The following PCDH11X variants were observed in gnomAD, a reference collection of about 807,000 sequenced individuals.
PCDH11X encodes the protein protocadherin 11 X-linked, also known as protocadherin-11 X-linked.
PCDH11X carries 18 observed loss-of-function variants against 53.3 expected under a neutral mutation model. The ratio of observed to expected loss-of-function variants is 0.34; its 90% CI spans 0.23 to 0.50. The LOEUF (loss-of-function observed/expected upper bound fraction) is 0.50, where lower values mean the gene tolerates loss of function less well. Among genes scored for constraint, PCDH11X ranks in the 20% least tolerant of loss-of-function variants. The pLI is 0.98. For synonymous variants in PCDH11X, 279 were observed against 393.3 expected, an observed-to-expected ratio of 0.71 and a Z score of 3.44; for missense variants, 570 against 1,032.4, an observed-to-expected ratio of 0.55 and a Z score of 6.14.
At chrX:92,530,998 C>T (rs757233209) in intron 10 of PCDH11X, among the ~76,000 whole-genome samples, 122 of 108,346 alleles carry the variant, frequency 1.1e-3, no homozygotes, top group African/African-American at 3.7e-3. Flanking sequence ...TTTTATATTG[C>T]GAGAAACACT....
intron 9 of PCDH11X, among the ~76,000 whole-genome samples, chrX:92,415,472 A>G (rs1303046838): frequency 9.0e-6 from 1 of 111,651 alleles, no homozygotes; most frequent in Non-Finnish European, 1.9e-5. Context: ...TGCAATTACA[A>G]TGCATCAATT....
At chrX:92,544,945 G>A (rs1201154591) in intron 10 of PCDH11X, among the ~76,000 whole-genome samples, 2 of 111,576 alleles carry the variant, frequency 1.8e-5, no homozygotes, top group East Asian at 5.6e-4. Context: ...ACAAAACACA[G>A]TCAGAGTATA....
chrX:92,128,237 A>G (rs774430162), intron 6 of PCDH11X, among the ~76,000 whole-genome samples: 27 of 104,552 alleles, frequency 2.6e-4, no homozygotes, highest in Admixed American at 2.4e-3. Context: ...AAAATAAATA[A>G]TTGATCTTAC....
chrX:92,050,975 T>A (rs1161901891), intron 6 of PCDH11X, among the ~76,000 whole-genome samples: 3 of 111,670 alleles, frequency 2.7e-5, no homozygotes, highest in South Asian at 7.5e-4. Context: ...TAAGTGATAT[T>A]CTTTCTTGAT....
chrX:91,799,038 C>T (rs190297368), intron 1 of PCDH11X, among the ~76,000 whole-genome samples: 1 of 111,125 alleles, frequency 9.0e-6, no homozygotes, highest in East Asian at 2.8e-4. Flanking sequence ...CTTATATCAT[C>T]AGCTAATACT....
intron 9 of PCDH11X, among the ~76,000 whole-genome samples, chrX:92,432,736 C>T (rs2148626723): frequency 9.4e-6 from 1 of 106,244 alleles, no homozygotes; most frequent in South Asian, 4.3e-4. Context: ...CAAAAATAAC[C>T]ACTCAGTATA....
At chrX:91,858,877 A>G (rs1216263028) in intron 5 of PCDH11X, among the ~76,000 whole-genome samples, 3 of 111,450 alleles carry the variant, frequency 2.7e-5, no homozygotes, top group Non-Finnish European at 3.8e-5. Flanking sequence ...CTTCTTGTTT[A>G]TTTAGGATCC....
At chrX:92,251,165 A>T (rs1317117496) in intron 7 of PCDH11X, among the ~76,000 whole-genome samples, 1 of 110,977 alleles carries the variant, frequency 9.0e-6, no homozygotes, top group African/African-American at 3.3e-5. Context: ...TGTACACATT[A>T]TAGAACTAAT....
chrX:92,164,913 C>T (rs1031760020), intron 6 of PCDH11X, among the ~76,000 whole-genome samples: 10 of 103,541 alleles, frequency 9.7e-5, no homozygotes, highest in Admixed American at 4.3e-4. Flanking sequence ...TTTTGCCTGC[C>T]GCCATCCATG....
chrX:92,436,545 T>C (rs2072378906), intron 9 of PCDH11X, among the ~76,000 whole-genome samples: 1 of 111,379 alleles, frequency 9.0e-6, no homozygotes, highest in Non-Finnish European at 1.9e-5. Flanking sequence ...TGCAGCACTA[T>C]TCACAATAGT....
At chrX:92,082,761 G>A (rs750972015) in intron 6 of PCDH11X, among the ~76,000 whole-genome samples, 1 of 111,662 alleles carries the variant, frequency 9.0e-6, no homozygotes, top group African/African-American at 3.2e-5. Flanking sequence ...TAACATGATG[G>A]CATGTACTAT....
intron 7 of PCDH11X, among the ~76,000 whole-genome samples, chrX:92,231,937 A>T (rs1248918907): frequency 9.0e-6 from 1 of 111,641 alleles, no homozygotes; most frequent in Non-Finnish European, 1.9e-5. Flanking sequence ...GAGAAGGCTC[A>T]CTTCATTCCA....
chrX:92,611,247 ATTTG>A (rs1266535368), intron 10 of PCDH11X, among the ~76,000 whole-genome samples: 1 of 107,645 alleles, frequency 9.3e-6, no homozygotes, highest in Non-Finnish European at 1.9e-5. Context: ...ATGCTTTTTC[ATTTG>A]TTTGTGTCAT....
At chrX:92,054,326 T>C (rs2063408851) in intron 6 of PCDH11X, among the ~76,000 whole-genome samples, 1 of 111,794 alleles carries the variant, frequency 8.9e-6, no homozygotes, top group Non-Finnish European at 1.9e-5. Context: ...TTAAAATCAC[T>C]TTACTTATTT....
In PCDH11X at chrX:91,897,890, T is replaced by A. The variant is rs772253971; in HGVS notation, c.3033+18617T>A. ...AGGGAAGGATTAATTCAAGGAAAAT[T>A]CCGTGAGTGTTTGCTAGGTGCCAGG... On this transcript the variant is annotated intron_variant, in intron 6 of 10. Transcript: ENST00000682573. Among the ~76,000 whole-genome samples, 70 of 111,927 alleles carry A rather than the reference T, an allele frequency of 6.3e-4. 1 individual carries two copies. Among genetic ancestry groups the A allele is most frequent in the Non-Finnish European group, 1.1e-3 (61 of 53,190 alleles).
chrX:92,578,201 G>A (rs1352760446), intron 10 of PCDH11X, among the ~76,000 whole-genome samples: 5 of 95,445 alleles, frequency 5.2e-5, no homozygotes, highest in Non-Finnish European at 1.1e-4. Flanking sequence ...CACACACTGA[G>A]GTCTATTGGG....
intron 9 of PCDH11X, among the ~76,000 whole-genome samples, chrX:92,405,958 G>C (rs2071499432): frequency 9.2e-6 from 1 of 108,977 alleles, no homozygotes; most frequent in African/African-American, 3.3e-5. Flanking sequence ...AGCTGGGCGT[G>C]GTGGCGGGCG....
At chrX:92,402,120 T>C (rs2071400464) in intron 9 of PCDH11X, among the ~76,000 whole-genome samples, 1 of 111,122 alleles carries the variant, frequency 9.0e-6, no homozygotes, top group South Asian at 3.8e-4. Context: ...GTTCTGTCAA[T>C]AACTCTGTAA....
At chrX:92,492,830 C>G (rs749826049) in intron 10 of PCDH11X, among the ~76,000 whole-genome samples, 3 of 109,275 alleles carry the variant, frequency 2.7e-5, no homozygotes, top group Non-Finnish European at 5.7e-5. Context: ...ACAAAATTTC[C>G]TAAACTTTTT....
Sources: allele counts gnomAD v4.1 joint callset (sites outside exome capture counted in the v4.1 genomes callset), GRCh38; gene constraint gnomAD v4.1.1; transcripts MANE v1.5; gene names NCBI Gene and HGNC (gene_info 2026-07-23, HGNC 2026-07-21).